Variants in CAB39L observed in about 807,000 individuals in gnomAD.
The protein encoded by CAB39L is calcium-binding protein 39-like.
A neutral mutation model predicts 39.1 loss-of-function variants in CAB39L; 23 were observed. That is an observed-to-expected ratio of 0.59 (90% CI 0.42 to 0.83). The LOEUF (loss-of-function observed/expected upper bound fraction) is 0.83, where lower values mean the gene tolerates loss of function less well. CAB39L is among the 40% of genes least tolerant of loss of function. The pLI is 0.00. For synonymous variants in CAB39L, 126 were observed against 137.2 expected, an observed-to-expected ratio of 0.92 and a Z score of 0.57; for missense variants, 366 against 391.9, an observed-to-expected ratio of 0.93 and a Z score of 0.56.
At chr13:49,375,807 GA>G (rs34734102) in intron 5 of CAB39L, among the ~76,000 whole-genome samples, 2 of 145,698 alleles carry the variant, frequency 1.4e-5, no homozygotes, top group Admixed American at 6.8e-5. Context: ...TAAAAAAATT[GA>G]AAAAAAAAAG....
In CAB39L at chr13:49,329,558, T is replaced by C. The variant is rs1228614822; in HGVS notation, c.834+2389A>G. ...TTAAAAAAAAAAATATATATATATA[T>C]ATATATATATATATATATATATATA... On this transcript the variant is annotated intron_variant, in intron 10 of 10. Transcript: ENST00000409308. Among the ~76,000 whole-genome samples the C allele has an allele frequency of 2.3e-4, 3 of 13,306 alleles. 1 individual carries two copies. Among genetic ancestry groups the C allele is most frequent in the African/African-American group, 1.3e-3 (2 of 1,514 alleles). The allele number at this position is 13,306 out of a possible 152,430, so 8.7% of individuals were successfully genotyped here.
At chr13:49,346,784 T>C (rs1955189891) in intron 7 of CAB39L, among the ~76,000 whole-genome samples, 1 of 152,142 alleles carries the variant, frequency 6.6e-6, no homozygotes, top group Non-Finnish European at 1.5e-5. Flanking sequence ...GTTAACTAAA[T>C]TGCTCAAGGA....
chr13:49,404,482 T>C (rs951121662), intron 3 of CAB39L, among the ~76,000 whole-genome samples: 1 of 147,200 alleles, frequency 6.8e-6, no homozygotes, highest in African/African-American at 2.5e-5. Context: ...AAGCTCGGAG[T>C]GTGAAGATTA....
In CAB39L at chr13:49,310,721, A is replaced by G. The variant is rs1953957680; in HGVS notation, c.*93T>C. 1.5e-5 allele frequency: 21 copies of G among 1,382,144 alleles called. No individual in the cohort carries two copies. In the East Asian group the frequency reaches 4.8e-4, roughly 32 times the overall value. The allele number at this position is 1,382,144 out of a possible 1,614,324, so 85.6% of individuals were successfully genotyped here. A position where few individuals can be genotyped will look rare whatever the true frequency, so the allele number is the denominator to read the frequency against. ...TACAGCAGAAAAAATAGGCACCTCC[A>G]AAGTCTTCCCAAGAATGATGACTTT... is the stretch of plus-strand genomic sequence containing the variant. On this transcript the variant is annotated 3_prime_UTR_variant, in exon 11 of 11. Coordinates refer to ENST00000409308, the MANE Select transcript of CAB39L (RefSeq NM_001079670.3).
intron 1 of CAB39L, among the ~76,000 whole-genome samples, chr13:49,441,502 G>C (rs1242150663): frequency 6.6e-6 from 1 of 152,024 alleles, no homozygotes; most frequent in East Asian, 1.9e-4. Flanking sequence ...GGGGGGTCAA[G>C]GCTGCAGTAA....
chr13:49,418,193 T>C (rs1957116138), intron 3 of CAB39L, among the ~76,000 whole-genome samples: 1 of 152,188 alleles, frequency 6.6e-6, no homozygotes, highest in African/African-American at 2.4e-5. Context: ...ATTCATAAAA[T>C]GGAACATTAT....
At chr13:49,384,318 C>G (rs993777602) in intron 3 of CAB39L, among the ~76,000 whole-genome samples, 5 of 152,204 alleles carry the variant, frequency 3.3e-5, no homozygotes, top group African/African-American at 1.2e-4. Flanking sequence ...TCTTCAGGCT[C>G]TATTCTTAAT....
At chr13:49,322,212 C>A (rs553747453) in intron 10 of CAB39L, among the ~76,000 whole-genome samples, 1 of 152,114 alleles carries the variant, frequency 6.6e-6, no homozygotes, top group Non-Finnish European at 1.5e-5. Flanking sequence ...AGAGCTTTGC[C>A]GTATTCTAGA....
At chr13:49,321,220 T>G (rs1191139788) in intron 10 of CAB39L, among the ~76,000 whole-genome samples, 1 of 152,266 alleles carries the variant, frequency 6.6e-6, no homozygotes, top group Non-Finnish European at 1.5e-5. Flanking sequence ...ATTTTTTTCT[T>G]GTGCACGTCA....
intron 3 of CAB39L, among the ~76,000 whole-genome samples, chr13:49,409,218 C>T (rs948505691): frequency 6.6e-6 from 1 of 152,150 alleles, no homozygotes; most frequent in African/African-American, 2.4e-5. Context: ...AAACTGGTAA[C>T]ACTGGCTCTG....
intron 1 of CAB39L, among the ~76,000 whole-genome samples, chr13:49,437,214 G>A (rs1957431882): frequency 6.6e-6 from 1 of 152,220 alleles, no homozygotes; most frequent in Non-Finnish European, 1.5e-5. Context: ...AAGGAATTTA[G>A]ATGACTTAAC....
chr13:49,434,046 C>T lies in CAB39L; in HGVS notation c.-108+40G>A, dbSNP rs544157124. On this transcript the variant is annotated intron_variant, in intron 2 of 10. Transcript: ENST00000409308. ...TATCTCCATCACAAGAGTGTGTATG[C>T]GTGTGCTTGTTTCCCCATCAGAAAT... 92 of 422,602 alleles carry T rather than the reference C, an allele frequency of 2.2e-4. 1 individual carries two copies. Among genetic ancestry groups the T allele is most frequent in the South Asian group, 1.2e-3 (66 of 57,352 alleles). 26.2% of individuals were successfully genotyped at this position (422,602 alleles called of 1,614,324 possible).
At chr13:49,360,673 T>C (rs760531588) in intron 5 of CAB39L, among the ~76,000 whole-genome samples, 29 of 152,186 alleles carry the variant, frequency 1.9e-4, no homozygotes, top group Admixed American at 3.9e-4. Context: ...CTATAATCCC[T>C]ATGTGTGGAG....
intron 10 of CAB39L, among the ~76,000 whole-genome samples, chr13:49,315,563 A>G (rs1189894522): frequency 6.6e-6 from 1 of 152,174 alleles, no homozygotes; most frequent in African/African-American, 2.4e-5. Flanking sequence ...GCTCAGGGGG[A>G]AATTTATAGC....
At position 49,388,789 on chromosome 13, in the gene CAB39L, C is replaced by T. The variant is rs1242464669; in HGVS notation, c.-31-5848G>A. The stretch of plus-strand genomic sequence containing the variant: ...TCAACTAAAGAAGTTAAAAAGGAAA[C>T]TGCCCCAAAAATCTCCAAGAAAAGA... On this transcript the variant is annotated intron_variant, in intron 3 of 10. Coordinates refer to ENST00000409308, the MANE Select transcript of CAB39L (RefSeq NM_001079670.3). Among the ~76,000 whole-genome samples, 5 of 152,158 alleles carry T rather than the reference C, an allele frequency of 3.3e-5. No homozygotes were observed. The East Asian group carries it at 9.6e-4, about 29-fold the overall frequency.
intron 3 of CAB39L, among the ~76,000 whole-genome samples, chr13:49,412,650 C>T (rs971683570): frequency 6.6e-6 from 1 of 152,180 alleles, no homozygotes; most frequent in African/African-American, 2.4e-5. Flanking sequence ...CAGCAGTCCC[C>T]AACCTTTTTC....
chr13:49,312,648 C>T (rs1217028328), intron 10 of CAB39L, among the ~76,000 whole-genome samples: 4 of 152,226 alleles, frequency 2.6e-5, no homozygotes, highest in Non-Finnish European at 5.9e-5. Context: ...CAGAACAACT[C>T]CCTGCTGTTA....
rs576932484 is a variant in CAB39L at position 49,378,676 on chromosome 13, C to T, written c.112-1545G>A. Among the ~76,000 whole-genome samples the T allele has an allele frequency of 8.4e-5, 5 of 59,622 alleles. 1 individual carries two copies. The highest frequency in any genetic ancestry group is 2.2e-4 in the African/African-American group (2 of 9,158). The allele number at this position is 59,622 out of a possible 152,430, so 39.1% of individuals were successfully genotyped here. A position where few individuals can be genotyped will look rare whatever the true frequency, so the allele number is the denominator to read the frequency against. ...CCGCCCCTACTGGGAAGTGAGGAGCCCCTCTGCCCAGCCAGCCGCCCCGTC... is the reference window on the plus strand; with the variant it reads ...CCGCCCCTACTGGGAAGTGAGGAGCTCCTCTGCCCAGCCAGCCGCCCCGTC... On this transcript the variant is annotated intron_variant, in intron 4 of 10. Transcript: ENST00000409308.
intron 1 of CAB39L, among the ~76,000 whole-genome samples, chr13:49,440,400 G>C (rs1957490081): frequency 6.6e-6 from 1 of 152,088 alleles, no homozygotes. Context: ...TTGTTGACCA[G>C]ATGGCTGTGG....
Sources: allele counts gnomAD v4.1 joint callset (sites outside exome capture counted in the v4.1 genomes callset), GRCh38; gene constraint gnomAD v4.1.1; transcripts MANE v1.5; gene names NCBI Gene and HGNC (gene_info 2026-07-23, HGNC 2026-07-21).